DPP10: variants seen among roughly 807,000 people sequenced by gnomAD.
DPP10 encodes inactive dipeptidyl peptidase 10.
A neutral mutation model predicts 120.9 loss-of-function variants in DPP10; 33 were observed. The observed-to-expected ratio is 0.27, with a 90% CI of 0.21 to 0.37. The LOEUF (loss-of-function observed/expected upper bound fraction) is 0.37, where lower values mean the gene tolerates loss of function less well. Ranked by LOEUF, DPP10 falls within the 10% of genes least tolerant of loss-of-function variation. The pLI is 1.00. For missense variants in DPP10, 816 were observed against 942.8 expected, an observed-to-expected ratio of 0.87 and a Z score of 1.76; for synonymous variants, 337 against 326.1, an observed-to-expected ratio of 1.03 and a Z score of -0.36.
chr2:114,881,917 T>C (rs1362310457), intron 1 of DPP10, among the ~76,000 whole-genome samples: 2 of 152,138 alleles, frequency 1.3e-5, no homozygotes, highest in Non-Finnish European at 2.9e-5. Context: ...ATATACATAA[T>C]GATCATCAAA....
chr2:115,062,041 A>T (rs1706451688), intron 1 of DPP10, among the ~76,000 whole-genome samples: 1 of 147,526 alleles, frequency 6.8e-6, no homozygotes, highest in South Asian at 2.1e-4. Flanking sequence ...ATTTGTTTTT[A>T]TTTTAATTTT....
rs75261755 is a variant in DPP10 at position 114,522,514 on chromosome 2, G to A, written c.60+79676G>A. ...GAGATAGGACTAAAAAAACACTCTG[G>A]GAATTATGATAATAGAAATATAAAT... On this transcript the variant is annotated intron_variant, in intron 1 of 25. Transcript: ENST00000410059. Among the ~76,000 whole-genome samples the A allele has an allele frequency of 7.2e-5, 11 of 151,952 alleles. No homozygotes were observed. The East Asian group carries it at 2.1e-3, about 29-fold the overall frequency.
In DPP10 at chr2:115,842,357, T is replaced by C. The variant is rs748896695; in HGVS notation, c.*12T>C. ...AAGAAGATGAATAATGGACTGTATT[T>C]ATACAGAACTGAAGGGAATATTGAG... On this transcript the variant is annotated 3_prime_UTR_variant, in exon 26 of 26. Transcript: ENST00000410059. 1 of 1,611,230 alleles carries C rather than the reference T, an allele frequency of 6.2e-7. No homozygotes were observed. Among genetic ancestry groups the C allele is most frequent in the African/African-American group, 1.3e-5 (1 of 75,010 alleles).
At chr2:115,746,392 A>G (rs928454422) in intron 10 of DPP10, among the ~76,000 whole-genome samples, 6 of 152,218 alleles carry the variant, frequency 3.9e-5, no homozygotes, top group African/African-American at 1.4e-4. Context: ...TCAGCACCAT[A>G]CAATGACTGA....
At chr2:115,230,318 G>C (rs1468379790) in intron 1 of DPP10, among the ~76,000 whole-genome samples, 1 of 151,912 alleles carries the variant, frequency 6.6e-6, no homozygotes, top group African/African-American at 2.4e-5. Flanking sequence ...AATAGTCCTT[G>C]GTGGAGTCTT....
intron 1 of DPP10, among the ~76,000 whole-genome samples, chr2:115,025,944 G>A (rs1703430281): frequency 6.6e-6 from 1 of 152,046 alleles, no homozygotes; most frequent in Non-Finnish European, 1.5e-5. Context: ...TGGTTACTCT[G>A]TAAATATCTT....
intron 1 of DPP10, among the ~76,000 whole-genome samples, chr2:114,682,167 C>T (rs1056909002): frequency 6.6e-6 from 1 of 151,992 alleles, no homozygotes; most frequent in Non-Finnish European, 1.5e-5. Flanking sequence ...CTCTGTCTCT[C>T]TCACCACTTG....
At chr2:115,592,588 A>G (rs879877347) in intron 5 of DPP10, among the ~76,000 whole-genome samples, 231 of 6,388 alleles carry the variant, frequency 0.036, no homozygotes, top group Non-Finnish European at 0.15. Flanking sequence ...AACAAAAAAA[A>G]CAAAAAAAAA....
At chr2:114,465,935 T>C (rs1308631847) in intron 1 of DPP10, among the ~76,000 whole-genome samples, 1 of 152,202 alleles carries the variant, frequency 6.6e-6, no homozygotes, top group Non-Finnish European at 1.5e-5. Flanking sequence ...AATGTTAAAA[T>C]GTATTCCTTT....
chr2:115,738,279 G>T (rs1676834016), intron 8 of DPP10, among the ~76,000 whole-genome samples: 1 of 152,182 alleles, frequency 6.6e-6, no homozygotes, highest in Non-Finnish European at 1.5e-5. Flanking sequence ...CTCTTCCAAA[G>T]ATACCATCGT....
chr2:115,212,023 A>T (rs541081731), intron 1 of DPP10, among the ~76,000 whole-genome samples: 1 of 152,192 alleles, frequency 6.6e-6, no homozygotes, highest in Non-Finnish European at 1.5e-5. Context: ...CCCAGGGTGC[A>T]TGTCTTAGCT....
At chr2:114,646,261 A>G (rs1209319182) in intron 1 of DPP10, among the ~76,000 whole-genome samples, 1 of 152,122 alleles carries the variant, frequency 6.6e-6, no homozygotes, top group Admixed American at 6.5e-5. Context: ...TGCAATGGGG[A>G]GTAAAGCCAG....
chr2:115,529,335 A>G (rs569303924), intron 5 of DPP10, among the ~76,000 whole-genome samples: 36 of 152,030 alleles, frequency 2.4e-4, no homozygotes, highest in African/African-American at 8.2e-4. Flanking sequence ...ACGCCCAGCT[A>G]GTTTTGTGTT....
At chr2:114,571,989 T>C (rs1396388713) in intron 1 of DPP10, among the ~76,000 whole-genome samples, 1 of 149,270 alleles carries the variant, frequency 6.7e-6, no homozygotes, top group African/African-American at 2.4e-5. Context: ...ATGTAGTATA[T>C]AATACAATAT....
intron 1 of DPP10, among the ~76,000 whole-genome samples, chr2:115,072,732 G>A (rs1319164235): frequency 6.6e-6 from 1 of 152,092 alleles, no homozygotes; most frequent in Non-Finnish European, 1.5e-5. Flanking sequence ...AAGAGAGAAG[G>A]GTGCAGGGAT....
chr2:115,453,740 A>G (rs995389228), intron 3 of DPP10, among the ~76,000 whole-genome samples: 3 of 151,512 alleles, frequency 2.0e-5, no homozygotes, highest in African/African-American at 7.3e-5. Context: ...TAACAACAGA[A>G]AAGCAAAGTT....
chr2:114,792,062 C>T (rs980294442), intron 1 of DPP10, among the ~76,000 whole-genome samples: 8 of 152,008 alleles, frequency 5.3e-5, no homozygotes, highest in Non-Finnish European at 5.9e-5. Context: ...TAGCCTGTTT[C>T]CTTGGAATTT....
chr2:114,735,652 C>T (rs1029709250), intron 1 of DPP10, among the ~76,000 whole-genome samples: 1 of 152,076 alleles, frequency 6.6e-6, no homozygotes, highest in African/African-American at 2.4e-5. Flanking sequence ...GGTGAAATAT[C>T]TTGGCTCTTT....
intron 1 of DPP10, chr2:115,144,314 T>A (rs879661661): frequency 5.3e-5 from 8 of 152,148 alleles, no homozygotes; most frequent in Non-Finnish European, 8.8e-5. Context: ...CACGGGGAAA[T>A]GTATCTTGTT....
Sources: gnomAD v4.1 joint callset for allele counts (sites outside exome capture counted in the v4.1 genomes callset) on GRCh38, gnomAD v4.1.1 for gene constraint, MANE v1.5 for transcripts, NCBI Gene and HGNC (gene_info 2026-07-23, HGNC 2026-07-21) for gene names.